The following HPSE2 variants were observed in gnomAD, a reference collection of about 807,000 sequenced individuals.
HPSE2 encodes the protein heparanase 2 (inactive).
In HPSE2, 38 loss-of-function variants were observed where a neutral mutation model predicts 60.5. The ratio of observed to expected loss-of-function variants is 0.63; its 90% CI spans 0.48 to 0.82. HPSE2 has a LOEUF of 0.82. HPSE2 is among the 40% of genes least tolerant of loss of function. The probability of loss-of-function intolerance (pLI) is 0.00; values close to 1 mark genes in which losing one functional copy is unlikely to be tolerated. For synonymous variants in HPSE2, 295 were observed against 293.2 expected (o/e 1.01, Z -0.06); for missense variants, 713 against 740.4 (o/e 0.96, Z 0.43).
intron 8 of HPSE2, among the ~76,000 whole-genome samples, chr10:98,616,795 T>C (rs966629528): frequency 1.3e-5 from 2 of 152,316 alleles, no homozygotes; most frequent in African/African-American, 4.8e-5. Flanking sequence ...GGAATTGAAA[T>C]TACTTTTGGA....
chr10:98,578,720 A>G (rs953840012), intron 9 of HPSE2, among the ~76,000 whole-genome samples: 1 of 152,182 alleles, frequency 6.6e-6, no homozygotes, highest in Admixed American at 6.5e-5. Flanking sequence ...TTTTTCCTTT[A>G]GATACCCCCT....
At chr10:99,100,598 T>C (rs1288074569) in intron 3 of HPSE2, among the ~76,000 whole-genome samples, 1 of 152,146 alleles carries the variant, frequency 6.6e-6, no homozygotes, top group Non-Finnish European at 1.5e-5. Context: ...ACTTTCCCAA[T>C]CTAGCAAGGC....
chr10:98,641,781 T>C lies in HPSE2; in HGVS notation c.1098+66A>G. The C allele has an allele frequency of 2.5e-6, 3 of 1,217,780 alleles. No individual in the cohort carries two copies. In the South Asian group the frequency reaches 3.6e-5, roughly 15 times the overall value. The allele number at this position is 1,217,780 out of a possible 1,614,324, so 75.4% of individuals were successfully genotyped here. A position where few individuals can be genotyped will look rare whatever the true frequency, so the allele number is the denominator to read the frequency against. ...CACAGTGCTGATGCCCAGCTGGGAC[T>C]TTGTGTCTTTTTCCTTGTCTTACCC... On this transcript the variant is annotated intron_variant, in intron 7 of 11. Transcript: ENST00000370552.
chr10:98,500,688 A>G (rs1464364588), intron 9 of HPSE2, among the ~76,000 whole-genome samples: 1 of 152,162 alleles, frequency 6.6e-6, no homozygotes, highest in Non-Finnish European at 1.5e-5. Context: ...AGCAGAGCTA[A>G]ATGAAATTGA....
intron 3 of HPSE2, among the ~76,000 whole-genome samples, chr10:98,910,260 TTTGTTAGA>T (rs1393873767): frequency 6.6e-6 from 1 of 152,166 alleles, no homozygotes; most frequent in African/African-American, 2.4e-5. Flanking sequence ...ACAGAGCTGC[TTTGTTAGA>T]TAAAGCTCTC....
chr10:98,884,718 G>A (rs1209614851), intron 3 of HPSE2, among the ~76,000 whole-genome samples: 2 of 152,064 alleles, frequency 1.3e-5, no homozygotes, highest in Non-Finnish European at 2.9e-5. Context: ...GGAGGTAGTG[G>A]GGTGTTGGCG....
At chr10:98,832,108 G>C (rs1352296893) in intron 3 of HPSE2, among the ~76,000 whole-genome samples, 1 of 152,168 alleles carries the variant, frequency 6.6e-6, no homozygotes, top group Non-Finnish European at 1.5e-5. Context: ...CCTCAGTGAG[G>C]TCTGGGTTCA....
At chr10:98,732,176 A>G (rs1949244583) in intron 4 of HPSE2, among the ~76,000 whole-genome samples, 1 of 152,212 alleles carries the variant, frequency 6.6e-6, no homozygotes, top group Non-Finnish European at 1.5e-5. Context: ...TCGTGATAGG[A>G]AGATTTTGTA....
chr10:98,767,079 T>C (rs76297846), intron 3 of HPSE2, among the ~76,000 whole-genome samples: 5,883 of 152,258 alleles, frequency 0.039, 185 homozygotes, highest in East Asian at 0.12. Context: ...TTTAAAAAAT[T>C]CATAGCTATG....
intron 3 of HPSE2, among the ~76,000 whole-genome samples, chr10:98,989,620 C>T (rs1956471981): frequency 6.7e-6 from 1 of 149,596 alleles, no homozygotes; most frequent in African/African-American, 2.5e-5. Context: ...ACGGTGTGCA[C>T]ATGTACCCTA....
intron 2 of HPSE2, among the ~76,000 whole-genome samples, chr10:99,146,671 G>A (rs144566815): frequency 4.8e-3 from 734 of 152,238 alleles, no homozygotes; most frequent in East Asian, 0.018. Context: ...AGACCAGCCT[G>A]GCAACACGGT....
chr10:99,241,784 A>G, the HPSE2 span, among the ~76,000 whole-genome samples: 1 of 152,116 alleles, frequency 6.6e-6, no homozygotes, highest in Non-Finnish European at 1.5e-5. Flanking sequence ...AAATTATACA[A>G]TTGTGCTATC....
intron 6 of HPSE2, among the ~76,000 whole-genome samples, chr10:98,654,319 C>T (rs2134068257): frequency 6.6e-6 from 1 of 152,228 alleles, no homozygotes; most frequent in Non-Finnish European, 1.5e-5. Context: ...CATTATTCTT[C>T]TGCTCTGTTT....
chr10:98,528,221 C>T (rs1274711525), intron 9 of HPSE2, among the ~76,000 whole-genome samples: 1 of 152,094 alleles, frequency 6.6e-6, no homozygotes, highest in Non-Finnish European at 1.5e-5. Context: ...GATCCTCATC[C>T]CTGACAGCCT....
intron 3 of HPSE2, among the ~76,000 whole-genome samples, chr10:98,963,073 C>G (rs1258682854): frequency 6.6e-6 from 1 of 152,116 alleles, no homozygotes; most frequent in Non-Finnish European, 1.5e-5. Flanking sequence ...ACTTTAAGGA[C>G]CTTCAGGATG....
chr10:99,283,224 A>T, the HPSE2 span, among the ~76,000 whole-genome samples: 3 of 148,228 alleles, frequency 2.0e-5, no homozygotes, highest in Non-Finnish European at 4.5e-5. Flanking sequence ...AAACAGAAGG[A>T]TTTCAAATCA....
At chr10:98,725,711 A>C (rs1258138558) in intron 4 of HPSE2, among the ~76,000 whole-genome samples, 8 of 152,266 alleles carry the variant, frequency 5.3e-5, no homozygotes, top group Non-Finnish European at 1.0e-4. Context: ...CAACCTACAA[A>C]ATGGGAGAAA....
intron 3 of HPSE2, among the ~76,000 whole-genome samples, chr10:99,111,035 T>A (rs1844437600): frequency 6.6e-6 from 1 of 152,178 alleles, no homozygotes. Flanking sequence ...TGTATCTAGA[T>A]AGCCAGTTGT....
At chr10:98,998,469 T>C (rs2135364850) in intron 3 of HPSE2, among the ~76,000 whole-genome samples, 1 of 152,344 alleles carries the variant, frequency 6.6e-6, no homozygotes, top group East Asian at 1.9e-4. Context: ...TGGTAGTATC[T>C]GCCTAAGAAG....
Sources: gnomAD v4.1 joint callset for allele counts (sites outside exome capture counted in the v4.1 genomes callset) on GRCh38, gnomAD v4.1.1 for gene constraint, MANE v1.5 for transcripts, NCBI Gene and HGNC (gene_info 2026-07-23, HGNC 2026-07-21) for gene names.